The following PXDNL variants were observed in gnomAD, a reference collection of about 807,000 sequenced individuals.
The protein encoded by PXDNL is peroxidasin like.
PXDNL carries 145 observed loss-of-function variants against 150.8 expected under a neutral mutation model. The observed-to-expected ratio is 0.96, with a 90% CI of 0.84 to 1.10. PXDNL has a LOEUF of 1.10. PXDNL is among the 50% of genes least tolerant of loss of function. The pLI, the probability that PXDNL is intolerant of heterozygous loss-of-function variation, is 0.00. For missense variants in PXDNL, 2,087 were observed against 1,873.9 expected, an observed-to-expected ratio of 1.11 and a Z score of -2.10; for synonymous variants, 757 against 725.7, an observed-to-expected ratio of 1.04 and a Z score of -0.69.
chr8:51,750,082 T>A (rs1458888382), intron 1 of PXDNL, among the ~76,000 whole-genome samples: 3 of 152,224 alleles, frequency 2.0e-5, no homozygotes, highest in Admixed American at 6.5e-5. Flanking sequence ...AGAAAGTTTT[T>A]ATTTTTTTCC....
chr8:51,404,812 C>A (rs1215176305), intron 17 of PXDNL, among the ~76,000 whole-genome samples: 1 of 152,256 alleles, frequency 6.6e-6, no homozygotes. Flanking sequence ...CAGTCCCACG[C>A]AGTGCGCCGG....
intron 2 of PXDNL, among the ~76,000 whole-genome samples, chr8:51,608,002 G>GAAGAAAGAAAGAGAGAGA (rs1381274367): frequency 1.5e-5 from 1 of 64,634 alleles, no homozygotes; most frequent in East Asian, 4.2e-4. Context: ...AGGAAGGAAG[G>GAAGAAAGAAAGAGAGAGA]AAGAAAGAAA....
chr8:51,565,361 G>A (rs558045893), intron 3 of PXDNL, among the ~76,000 whole-genome samples: 243 of 149,488 alleles, frequency 1.6e-3, no homozygotes, highest in African/African-American at 5.3e-3. Flanking sequence ...TAAATACAGT[G>A]CACAGTAACT....
chr8:51,781,871 C>T (rs2037418509), intron 1 of PXDNL, among the ~76,000 whole-genome samples: 1 of 152,224 alleles, frequency 6.6e-6, no homozygotes, highest in Non-Finnish European at 1.5e-5. Context: ...GGAACACAGG[C>T]ACATGTGCAC....
chr8:51,716,172 G>T (rs1006138725), intron 1 of PXDNL, among the ~76,000 whole-genome samples: 2 of 152,158 alleles, frequency 1.3e-5, no homozygotes, highest in Non-Finnish European at 2.9e-5. Context: ...TTCCATGTGG[G>T]TGCCTGCTTT....
intron 20 of PXDNL, among the ~76,000 whole-genome samples, chr8:51,341,163 C>T (rs1159100127): frequency 6.6e-6 from 1 of 152,106 alleles, no homozygotes; most frequent in Non-Finnish European, 1.5e-5. Flanking sequence ...CACATTCTTT[C>T]AAAGCAGAAC....
chr8:51,551,640 CTG>C (rs915775158), intron 4 of PXDNL, among the ~76,000 whole-genome samples: 8 of 152,132 alleles, frequency 5.3e-5, no homozygotes. Flanking sequence ...AAGAATCAAA[CTG>C]GATCCTTTTC....
intron 1 of PXDNL, among the ~76,000 whole-genome samples, chr8:51,748,366 C>A (rs2037008776): frequency 6.6e-6 from 1 of 152,190 alleles, no homozygotes; most frequent in Non-Finnish European, 1.5e-5. Context: ...GTTTTGTCCT[C>A]AGTTATCATC....
rs760589051 is a variant in PXDNL, at chr8:51,809,188, T to C, written c.157A>G (p.Thr53Ala). 1.9e-6 allele frequency: 3 copies of C among 1,613,726 alleles called. No individual in the cohort carries two copies. Among genetic ancestry groups the C allele is most frequent in the African/African-American group, 2.7e-5 (2 of 75,020 alleles). ...DHIPQVPQQT[T>A]VLDLRFNRIR... is the part of the protein sequence containing the mutation. Reference sequence around the variant, plus strand: ...GAATTTATGTGAACTTACAGAACTGTGGTCTGCTGTGGTACCTGAGGAATG... The same window carrying C: ...GAATTTATGTGAACTTACAGAACTGCGGTCTGCTGTGGTACCTGAGGAATG... Residue 53 changes from threonine (T) to alanine (A), a missense_variant, in exon 1 of 23, where the codon ACA (threonine) becomes GCA (alanine). Thr to Ala is a moderately conservative substitution (Grantham distance 58, BLOSUM62 0). Coordinates refer to ENST00000356297, the MANE Select transcript of PXDNL (RefSeq NM_144651.5).
At chr8:51,446,183 C>T (rs1809667990) in intron 12 of PXDNL, among the ~76,000 whole-genome samples, 1 of 152,216 alleles carries the variant, frequency 6.6e-6, no homozygotes, top group Admixed American at 6.5e-5. Context: ...CTTCTCACAC[C>T]TACGTTGATG....
intron 1 of PXDNL, among the ~76,000 whole-genome samples, chr8:51,674,120 A>T (rs1208119373): frequency 6.6e-6 from 1 of 152,190 alleles, no homozygotes; most frequent in East Asian, 1.9e-4. Context: ...TGAATTACAT[A>T]CATTTTTCTT....
chr8:51,351,029 T>C (rs1337766075), intron 19 of PXDNL, among the ~76,000 whole-genome samples: 1 of 152,214 alleles, frequency 6.6e-6, no homozygotes, highest in Non-Finnish European at 1.5e-5. Flanking sequence ...ATCCCCACAA[T>C]TGTTTTGAAG....
intron 3 of PXDNL, among the ~76,000 whole-genome samples, chr8:51,559,330 A>AAACC (rs1812664794): frequency 1.0e-5 from 1 of 98,066 alleles, no homozygotes; most frequent in Non-Finnish European, 2.4e-5. Context: ...TTTCTTCCAA[A>AAACC]CCCCCCCCCC....
chr8:51,711,375 T>G (rs898930788), intron 1 of PXDNL, among the ~76,000 whole-genome samples: 2 of 152,200 alleles, frequency 1.3e-5, no homozygotes, highest in African/African-American at 4.8e-5. Context: ...TGACCTCAAG[T>G]GATCCACCTG....
At chr8:51,424,555 T>G (rs978254572) in intron 13 of PXDNL, among the ~76,000 whole-genome samples, 10 of 151,832 alleles carry the variant, frequency 6.6e-5, no homozygotes, top group Non-Finnish European at 1.5e-4. Flanking sequence ...ATTAAAAATA[T>G]AAGAAGATAA....
chr8:51,646,888 TG>T (rs888731404), intron 2 of PXDNL, among the ~76,000 whole-genome samples: 5 of 151,758 alleles, frequency 3.3e-5, no homozygotes, highest in Non-Finnish European at 7.4e-5. Flanking sequence ...AGGGCACAGG[TG>T]GTTGTAGAAA....
At chr8:51,769,600 A>G (rs1161955988) in intron 1 of PXDNL, among the ~76,000 whole-genome samples, 1 of 152,172 alleles carries the variant, frequency 6.6e-6, no homozygotes, top group Non-Finnish European at 1.5e-5. Flanking sequence ...ATGTTTTGAC[A>G]TGTAATCATA....
At chr8:51,333,306 GCCA>G (rs1285802781) in intron 21 of PXDNL, among the ~76,000 whole-genome samples, 1 of 152,080 alleles carries the variant, frequency 6.6e-6, no homozygotes, top group Non-Finnish European at 1.5e-5. Flanking sequence ...CCATTACCAA[GCCA>G]CCACTACAAG....
At chr8:51,533,286 G>A (rs1022154150) in intron 4 of PXDNL, among the ~76,000 whole-genome samples, 4 of 152,016 alleles carry the variant, frequency 2.6e-5, no homozygotes, top group South Asian at 4.2e-4. Flanking sequence ...GAGTAGCTAG[G>A]ATCACAGGCA....
Sources: gnomAD v4.1 joint callset for allele counts (sites outside exome capture counted in the v4.1 genomes callset) on GRCh38, gnomAD v4.1.1 for gene constraint, MANE v1.5 for transcripts, NCBI Gene and HGNC (gene_info 2026-07-23, HGNC 2026-07-21) for gene names.